TRIM66: variants seen among roughly 807,000 people sequenced by gnomAD.
TRIM66 encodes the protein tripartite motif-containing protein 66.
A neutral mutation model predicts 148.2 loss-of-function variants in TRIM66; 99 were observed. The ratio of observed to expected loss-of-function variants is 0.67; its 90% CI spans 0.57 to 0.79. The LOEUF is 0.79. Ranked by LOEUF, TRIM66 falls within the 30% of genes least tolerant of loss-of-function variation. The pLI, the probability that TRIM66 is intolerant of heterozygous loss-of-function variation, is 0.00. For synonymous variants in TRIM66, 616 were observed against 635.9 expected (o/e 0.97, Z 0.47); for missense variants, 1,666 against 1,697.9 (o/e 0.98, Z 0.33).
intron 1 of TRIM66, 127 bp downstream of exon 1, chr11:8,682,474 C>CG: frequency 2.4e-6 from 1 of 421,106 alleles, no homozygotes; most frequent in East Asian, 5.3e-5. Flanking sequence ...TCGGCTTAGG[C>CG]GGTTCCCTGA....
chr11:8,630,494 GA>G (rs1190786303), intron 15 of TRIM66, among the ~76,000 whole-genome samples: 2 of 152,188 alleles, frequency 1.3e-5, no homozygotes, highest in Non-Finnish European at 2.9e-5. Context: ...GGTATATTTT[GA>G]GATTCACTAC....
Position 8,679,975 on chromosome 11 carries a change from T to C in TRIM66, c.-459A>G, listed in dbSNP as rs975924758. ...AGTTTTCACACACGTAAAATGAGGC[T>C]GGTAGTGCTGTACCTTCAGGCAGAT... On this transcript the variant is annotated 5_prime_UTR_variant, in exon 2 of 25. Transcript: ENST00000646038. The C allele has an allele frequency of 1.3e-5, 2 of 152,324 alleles. No individual in the cohort carries two copies. The highest frequency in any genetic ancestry group is 2.9e-5 in the Non-Finnish European group (2 of 68,118). 9.4% of individuals were successfully genotyped at this position (152,324 alleles called of 1,614,324 possible).
At chr11:8,630,686 T>G (rs2035307292) in intron 15 of TRIM66, among the ~76,000 whole-genome samples, 1 of 152,140 alleles carries the variant, frequency 6.6e-6, no homozygotes. Flanking sequence ...TCCCCCAAAC[T>G]GTGTGTCCCC....
intron 6 of TRIM66, among the ~76,000 whole-genome samples, chr11:8,670,257 C>T (rs2038859654): frequency 6.6e-6 from 1 of 152,148 alleles, no homozygotes; most frequent in South Asian, 2.1e-4. Context: ...AGATGATTCG[C>T]TGCCTTGGCC....
At chr11:8,658,987 G>A (rs997899896) in intron 6 of TRIM66, among the ~76,000 whole-genome samples, 3 of 152,070 alleles carry the variant, frequency 2.0e-5, no homozygotes, top group East Asian at 1.9e-4. Flanking sequence ...CAAAGGTCCT[G>A]GGAGGTCTCC....
intron 17 of TRIM66, among the ~76,000 whole-genome samples, chr11:8,623,926 A>G (rs2034552161): frequency 6.6e-6 from 1 of 152,186 alleles, no homozygotes; most frequent in Admixed American, 6.5e-5. Flanking sequence ...CCATTTAGAG[A>G]GAAAGAAATC....
rs144825557 is a variant in TRIM66, at chr11:8,616,726, C to T, written c.*1218G>A. On this transcript the variant is annotated 3_prime_UTR_variant, in exon 25 of 25. Coordinates refer to ENST00000646038, the MANE Select transcript of TRIM66 (RefSeq NM_001388022.1). ...ACTGGCTTTTTGCCTCTTGATTTTTCCCCCTGTCCACCTTAGACAAACTTC... is the reference window on the plus strand; with the variant it reads ...ACTGGCTTTTTGCCTCTTGATTTTTTCCCCTGTCCACCTTAGACAAACTTC... 1 of 152,224 alleles carries T rather than the reference C, an allele frequency of 6.6e-6. No individual in the cohort carries two copies. Among genetic ancestry groups the T allele is most frequent in the African/African-American group, 2.4e-5 (1 of 41,434 alleles). 9.4% of individuals were successfully genotyped at this position (152,224 alleles called of 1,614,324 possible).
intron 6 of TRIM66, among the ~76,000 whole-genome samples, chr11:8,663,740 T>A (rs1174412768): frequency 6.6e-6 from 1 of 152,022 alleles, no homozygotes; most frequent in Non-Finnish European, 1.5e-5. Flanking sequence ...AACCTAAGTG[T>A]CTACTGATGA....
intron 7 of TRIM66, among the ~76,000 whole-genome samples, chr11:8,651,521 G>A (rs975293345): frequency 6.6e-6 from 1 of 151,356 alleles, no homozygotes; most frequent in African/African-American, 2.4e-5. Context: ...TATATAGACA[G>A]TAAGCAACTC....
rs1397101750 is a variant in TRIM66, at chr11:8,641,639, C to CATT, written c.1223-488_1223-487insAAT. Among the ~76,000 whole-genome samples the CATT allele has an allele frequency of 3.3e-5, 5 of 152,206 alleles. No homozygotes were observed. In the East Asian group the frequency reaches 9.7e-4, roughly 29 times the overall value. ...TAGGACGGAAGAGAGTGGGGAAGCT[C>CATT]TAATACCAGGTGATACAGTTTGGAG... On this transcript the variant is annotated intron_variant, in intron 13 of 24. Coordinates refer to ENST00000646038, the MANE Select transcript of TRIM66 (RefSeq NM_001388022.1).
At position 8,617,643 on chromosome 11, in the gene TRIM66, G is replaced by C. The variant is rs1275790053; in HGVS notation, c.*301C>G. On this transcript the variant is annotated 3_prime_UTR_variant, in exon 25 of 25. Transcript: ENST00000646038. ...CCCAGGCAGAAAAAAATTCACCAAG[G>C]AAAGTAGGTTTTCCCGAGCCTAACC... 5 of 377,304 alleles carry C rather than the reference G, an allele frequency of 1.3e-5. No individual in the cohort carries two copies. Among genetic ancestry groups the C allele is most frequent in the Non-Finnish European group, 1.9e-5 (4 of 211,130 alleles). The allele number at this position is 377,304 out of a possible 1,614,324, so 23.4% of individuals were successfully genotyped here.
chr11:8,649,947 G>A (rs2037211924), intron 7 of TRIM66, 60 bp from the exon 8 acceptor site: 1 of 1,520,540 alleles, frequency 6.6e-7, no homozygotes, highest in Non-Finnish European at 8.9e-7. Context: ...GCCTCCACAA[G>A]TGGTAAATGC....
In TRIM66 at chr11:8,644,442, G is replaced by GA. The variant is rs142120648; in HGVS notation, c.1104+1298dup. On this transcript the variant is annotated intron_variant, in intron 12 of 24. Transcript: ENST00000646038. ...TTATTATCACCTCCTATTTCACAGA[G>GA]AAAAAAAAGACACCATAAAGGATAA... 5.3e-3 allele frequency: 2,358 copies of GA among 448,896 alleles called. 59 individuals are homozygous for GA. Among genetic ancestry groups the GA allele is most frequent in the African/African-American group, 0.045 (2,232 of 49,358 alleles). 27.8% of individuals were successfully genotyped at this position (448,896 alleles called of 1,614,324 possible). A position where few individuals can be genotyped will look rare whatever the true frequency, so the allele number is the denominator to read the frequency against.
intron 7 of TRIM66, among the ~76,000 whole-genome samples, chr11:8,651,423 G>A (rs1023342638): frequency 3.2e-4 from 48 of 152,152 alleles, no homozygotes; most frequent in African/African-American, 1.2e-3. Flanking sequence ...GCTGGTACAT[G>A]AATTTCAACT....
intron 19 of TRIM66, 71 bp from the exon 20 acceptor site, chr11:8,621,392 A>G: frequency 6.7e-7 from 1 of 1,484,508 alleles, no homozygotes; most frequent in East Asian, 2.5e-5. Flanking sequence ...GGAGGGAGAG[A>G]CTGGCAGGCC....
Position 8,669,659 on chromosome 11 carries a change from A to G in TRIM66, c.340+2127T>C, listed in dbSNP as rs2038815183. On this transcript the variant is annotated intron_variant, in intron 6 of 24. Transcript: ENST00000646038. ...CCCTGTCTCAAAAAAAAAAAAAAAA[A>G]CTCCTTTTGGGATTTTATTCACAAC... 2.8e-5 allele frequency among the ~76,000 whole-genome samples: 4 copies of G among 142,514 alleles called. No homozygotes were observed. The South Asian group carries it at 9.0e-4, about 32-fold the overall frequency. 93.5% of individuals were successfully genotyped at this position (142,514 alleles called of 152,430 possible).
intron 15 of TRIM66, among the ~76,000 whole-genome samples, chr11:8,630,296 A>G (rs534515443): frequency 5.3e-5 from 8 of 152,186 alleles, no homozygotes; most frequent in Non-Finnish European, 7.3e-5. Flanking sequence ...TCACTTGTCA[A>G]TGGAGATGAT....
At chr11:8,621,619 A>G (rs2034222807) in intron 19 of TRIM66, 26 bp downstream of exon 19, 3 of 1,495,882 alleles carry the variant, frequency 2.0e-6, no homozygotes, top group Non-Finnish European at 2.7e-6. Context: ...GCCAGGGTTT[A>G]AGGCCAAGGC....
intron 15 of TRIM66, 41 bp from the exon 16 acceptor site, chr11:8,625,269 T>C: frequency 6.9e-7 from 1 of 1,458,290 alleles, no homozygotes; most frequent in East Asian, 2.5e-5. Flanking sequence ...GGCTGCTAGC[T>C]GGGAATGGAG....
Sources: gnomAD v4.1 joint callset for allele counts (sites outside exome capture counted in the v4.1 genomes callset) on GRCh38, gnomAD v4.1.1 for gene constraint, MANE v1.5 for transcripts, NCBI Gene and HGNC (gene_info 2026-07-23, HGNC 2026-07-21) for gene names.